USH2A: variants seen among roughly 807,000 people sequenced by gnomAD.
The protein encoded by USH2A is Usher syndrome 2A (autosomal recessive, mild).
In USH2A, 443 loss-of-function variants were observed where a neutral mutation model predicts 538.9. That is an observed-to-expected ratio of 0.82 (90% CI 0.76 to 0.89). The LOEUF (loss-of-function observed/expected upper bound fraction) is 0.89. Among genes scored for constraint, USH2A ranks in the 40% least tolerant of loss-of-function variants. The pLI is 0.00. For synonymous variants in USH2A, 2,413 were observed against 2,273.5 expected, an observed-to-expected ratio of 1.06 and a Z score of -1.75; for missense variants, 6,633 against 6,324.8, an observed-to-expected ratio of 1.05 and a Z score of -1.65.
At chr1:215,961,220 T>G (rs1189523240) in intron 37 of USH2A, among the ~76,000 whole-genome samples, 1 of 152,038 alleles carries the variant, frequency 6.6e-6, no homozygotes, top group Non-Finnish European at 1.5e-5. Context: ...TACATATAAT[T>G]ATTGAAAGTA....
Position 215,723,331 on chromosome 1 carries a change from G to A in USH2A, c.12066+4699C>T, listed in dbSNP as rs890903269. On this transcript the variant is annotated intron_variant, in intron 61 of 71. Coordinates refer to ENST00000307340, the MANE Select transcript of USH2A (RefSeq NM_206933.4). ...TGCTGCTGTTCCTGCCAACACATAC[G>A]CTTCTCACCCCCACGGAGGGCCCCC... Among the ~76,000 whole-genome samples the A allele has an allele frequency of 3.3e-5, 5 of 152,148 alleles. No individual in the cohort carries two copies. In the East Asian group the frequency reaches 9.7e-4, roughly 29 times the overall value.
intron 30 of USH2A, among the ~76,000 whole-genome samples, chr1:216,066,326 C>G (rs925198540): frequency 3.9e-5 from 6 of 151,950 alleles, no homozygotes; most frequent in East Asian, 1.9e-4. Context: ...AAAAAAATTA[C>G]CCGGGCGTGG....
intron 43 of USH2A, among the ~76,000 whole-genome samples, chr1:215,875,901 A>ATT (rs1664752505): frequency 6.9e-6 from 1 of 145,342 alleles, no homozygotes; most frequent in Non-Finnish European, 1.5e-5. Flanking sequence ...TATAATAATC[A>ATT]ATATATAAAT....
At position 215,877,894 on chromosome 1, in the gene USH2A, C is replaced by T; in HGVS notation, c.8559-14G>A. 2 of 1,613,464 alleles carry T rather than the reference C, an allele frequency of 1.2e-6. No homozygotes were observed. The highest frequency in any genetic ancestry group is 1.7e-6 in the Non-Finnish European group (2 of 1,179,540). On this transcript the variant is annotated splice_polypyrimidine_tract_variant and intron_variant, in intron 42 of 71. Coordinates refer to ENST00000307340, the MANE Select transcript of USH2A (RefSeq NM_206933.4). ...AGAAGCTCATATCTAAAGCAAAAGA[C>T]AAGCAGGAACATCAGGATTATCTCA...
chr1:216,418,496 A>AT lies in USH2A; in HGVS notation c.651+17dup. 2.5e-6 allele frequency: 4 copies of AT among 1,611,740 alleles called. No homozygotes were observed. Among genetic ancestry groups the AT allele is most frequent in the Non-Finnish European group, 3.4e-6 (4 of 1,179,150 alleles). Reference sequence around the variant, plus strand: ...CCTTGTGTTTAACCAAATGTTAAATATTTTTTATTTTACTCACCTGCACAC... The same window carrying AT: ...CCTTGTGTTTAACCAAATGTTAAATATTTTTTTATTTTACTCACCTGCACAC... On this transcript the variant is annotated intron_variant, in intron 3 of 71. Coordinates refer to ENST00000307340, the MANE Select transcript of USH2A (RefSeq NM_206933.4).
intron 3 of USH2A, among the ~76,000 whole-genome samples, chr1:216,378,497 T>G (rs1169935195): frequency 6.6e-6 from 1 of 152,150 alleles, no homozygotes; most frequent in Non-Finnish European, 1.5e-5. Context: ...TAGAACAAGA[T>G]GTAGGGATGA....
At chr1:216,223,474 G>A (rs1251107460) in intron 14 of USH2A, among the ~76,000 whole-genome samples, 1 of 152,168 alleles carries the variant, frequency 6.6e-6, no homozygotes, top group Non-Finnish European at 1.5e-5. Context: ...AGGAGAGTCT[G>A]TTTATTCCCC....
intron 21 of USH2A, among the ~76,000 whole-genome samples, chr1:216,145,053 T>G (rs1474569334): frequency 1.3e-5 from 2 of 152,184 alleles, no homozygotes; most frequent in African/African-American, 4.8e-5. Context: ...GTTTCTCACC[T>G]CTCTGCTGCT....
intron 30 of USH2A, among the ~76,000 whole-genome samples, chr1:216,056,957 T>C (rs1023939714): frequency 6.6e-6 from 1 of 152,240 alleles, no homozygotes; most frequent in Non-Finnish European, 1.5e-5. Flanking sequence ...CAACTATGAT[T>C]GATAACCTTG....
rs756138366 is a variant in USH2A, at chr1:215,970,814, G to A, written c.6806-38C>T. 1.9e-6 allele frequency: 3 copies of A among 1,603,214 alleles called. No homozygotes were observed. In the African/African-American group the frequency reaches 4.0e-5, roughly 21 times the overall value. ...TAATTGCCTTTCAGTATGACTACTA[G>A]ACAATAGCAAAGAAGGTCTTAAGAA... On this transcript the variant is annotated intron_variant, in intron 35 of 71. Coordinates refer to ENST00000307340, the MANE Select transcript of USH2A (RefSeq NM_206933.4).
At chr1:215,948,247 C>T (rs570151625) in intron 37 of USH2A, among the ~76,000 whole-genome samples, 2 of 151,898 alleles carry the variant, frequency 1.3e-5, no homozygotes, top group African/African-American at 4.8e-5. Context: ...CCATGTTTTC[C>T]TATTTTGGCT....
chr1:216,048,377 C>A (rs1457620115), intron 31 of USH2A, among the ~76,000 whole-genome samples, 157 bp downstream of exon 31: 6 of 152,092 alleles, frequency 3.9e-5, no homozygotes, highest in Admixed American at 6.5e-5. Flanking sequence ...CATTTTCGCA[C>A]CCCCCCAAAA....
intron 64 of USH2A, among the ~76,000 whole-genome samples, chr1:215,666,463 A>T (rs1657607412): frequency 6.6e-6 from 1 of 152,120 alleles, no homozygotes; most frequent in Non-Finnish European, 1.5e-5. Context: ...ATTTGTGGGG[A>T]GCTGGCTTCA....
intron 60 of USH2A, among the ~76,000 whole-genome samples, chr1:215,741,130 C>G (rs956761): frequency 6.6e-6 from 1 of 151,962 alleles, no homozygotes; most frequent in Admixed American, 6.6e-5. Context: ...AGATCTCAAT[C>G]AAAAATGTTA....
chr1:216,281,545 G>A (rs979734211), intron 11 of USH2A, among the ~76,000 whole-genome samples: 1 of 152,014 alleles, frequency 6.6e-6, no homozygotes, highest in African/African-American at 2.4e-5. Flanking sequence ...TTTTGTAGCA[G>A]GTACCAGTAA....
intron 21 of USH2A, among the ~76,000 whole-genome samples, chr1:216,110,280 C>A (rs2032835648): frequency 6.6e-6 from 1 of 152,070 alleles, no homozygotes; most frequent in African/African-American, 2.4e-5. Flanking sequence ...ATGGCTTGAA[C>A]CAAGGAGTTT....
chr1:215,883,491 A>G (rs926142312), intron 41 of USH2A, among the ~76,000 whole-genome samples: 1 of 151,458 alleles, frequency 6.6e-6, no homozygotes, highest in African/African-American at 2.4e-5. Flanking sequence ...CTACATTTAG[A>G]TTACATGAAA....
intron 3 of USH2A, among the ~76,000 whole-genome samples, chr1:216,388,662 C>A (rs956401204): frequency 6.6e-6 from 1 of 152,102 alleles, no homozygotes; most frequent in Non-Finnish European, 1.5e-5. Context: ...TCAGTGAGAC[C>A]CAAATGCAAA....
chr1:215,864,322 G>T (rs1664413866), intron 44 of USH2A, among the ~76,000 whole-genome samples: 1 of 152,036 alleles, frequency 6.6e-6, no homozygotes, highest in African/African-American at 2.4e-5. Context: ...CTTTTCTGAG[G>T]ATTGTATAAA....
Sources: allele counts gnomAD v4.1 joint callset (sites outside exome capture counted in the v4.1 genomes callset), GRCh38; gene constraint gnomAD v4.1.1; transcripts MANE v1.5; gene names NCBI Gene and HGNC (gene_info 2026-07-23, HGNC 2026-07-21).